Variants in DLG2 observed in about 807,000 individuals in gnomAD.
DLG2 encodes disks large homolog 2.
DLG2 carries 45 observed loss-of-function variants against 132.5 expected under a neutral mutation model. The ratio of observed to expected loss-of-function variants is 0.34; its 90% CI spans 0.27 to 0.44. The LOEUF is 0.44. Among genes scored for constraint, DLG2 ranks in the 20% least tolerant of loss-of-function variants. The pLI is 1.00. For missense variants in DLG2, 1,045 were observed against 1,196.9 expected, an observed-to-expected ratio of 0.87 and a Z score of 1.87; for synonymous variants, 424 against 419.6, an observed-to-expected ratio of 1.01 and a Z score of -0.13.
chr11:85,136,538 T>G (rs2076155520), intron 5 of DLG2, among the ~76,000 whole-genome samples: 1 of 152,190 alleles, frequency 6.6e-6, no homozygotes, highest in South Asian at 2.1e-4. Context: ...AAGAAGTCTT[T>G]GGCAAGATAA....
chr11:84,081,136 T>G (rs1594822672), intron 10 of DLG2, among the ~76,000 whole-genome samples: 1 of 152,122 alleles, frequency 6.6e-6, no homozygotes, highest in East Asian at 1.9e-4. Context: ...ACACTTTAAT[T>G]ATTAGCAGTA....
chr11:83,537,285 T>C lies in DLG2; in HGVS notation c.2117+4397A>G, dbSNP rs138923352. ...TTTTAGGTTCTGGCCAAACCCATAA[T>C]TGGGTCAGGCTTGGAGCATTGGACA... On this transcript the variant is annotated intron_variant, in intron 20 of 27. Transcript: ENST00000376104. Among the ~76,000 whole-genome samples the C allele has an allele frequency of 1.9e-3, 287 of 152,254 alleles. 6 individuals are homozygous for C. Among genetic ancestry groups the C allele is most frequent in the Admixed American group, 0.016 (251 of 15,282 alleles).
At chr11:84,563,873 C>T (rs1216568182) in intron 6 of DLG2, among the ~76,000 whole-genome samples, 2 of 151,960 alleles carry the variant, frequency 1.3e-5, no homozygotes, top group African/African-American at 4.8e-5. Context: ...GAGAACTAGG[C>T]TAGAAAAGTG....
chr11:84,382,480 G>A (rs2098752121), intron 7 of DLG2, among the ~76,000 whole-genome samples: 2 of 152,094 alleles, frequency 1.3e-5, no homozygotes, highest in South Asian at 2.1e-4. Flanking sequence ...ACAATCAAGA[G>A]GCTCCTGTCG....
rs2094842991 is a variant in DLG2 at position 84,141,453 on chromosome 11, G to T, written c.624+22008C>A. ...ATATTTGTATATCTGTTACATATATGCATAAACAAACACACACTCTCAGGA... is the reference window on the plus strand; with the variant it reads ...ATATTTGTATATCTGTTACATATATTCATAAACAAACACACACTCTCAGGA... On this transcript the variant is annotated intron_variant, in intron 9 of 27. Transcript: ENST00000376104. Among the ~76,000 whole-genome samples, 5 of 152,014 alleles carry T rather than the reference G, an allele frequency of 3.3e-5. No homozygotes were observed. The South Asian group carries it at 1.0e-3, about 32-fold the overall frequency.
At chr11:84,681,126 C>G (rs527820174) in intron 6 of DLG2, among the ~76,000 whole-genome samples, 45 of 152,302 alleles carry the variant, frequency 3.0e-4, no homozygotes, top group Admixed American at 2.9e-3. Context: ...TGCTAAACCT[C>G]TATTTTCTTT....
intron 10 of DLG2, among the ~76,000 whole-genome samples, chr11:84,067,877 G>A (rs1475050461): frequency 6.6e-6 from 1 of 152,170 alleles, no homozygotes; most frequent in Non-Finnish European, 1.5e-5. Flanking sequence ...GAATGTTTTA[G>A]AGGCATCTGA....
At chr11:84,577,169 A>G (rs1237831829) in intron 6 of DLG2, among the ~76,000 whole-genome samples, 1 of 152,206 alleles carries the variant, frequency 6.6e-6, no homozygotes, top group Non-Finnish European at 1.5e-5. Flanking sequence ...GCCATGTGGA[A>G]TGGTACGTCC....
At chr11:84,640,362 G>T in intron 6 of DLG2, 1 of 341,130 alleles carries the variant, frequency 2.9e-6, no homozygotes, top group Non-Finnish European at 5.5e-6. Flanking sequence ...AATCCTCAGG[G>T]TTTGGATAAG....
At chr11:85,458,896 G>T (rs1480305064) in intron 3 of DLG2, among the ~76,000 whole-genome samples, 1 of 152,198 alleles carries the variant, frequency 6.6e-6, no homozygotes, top group Non-Finnish European at 1.5e-5. Context: ...GGGCAGAAGG[G>T]GAAGGGATCT....
At chr11:84,990,888 T>C (rs533468981) in intron 6 of DLG2, among the ~76,000 whole-genome samples, 2 of 152,140 alleles carry the variant, frequency 1.3e-5, no homozygotes, top group South Asian at 4.2e-4. Flanking sequence ...CCCAGGTAAA[T>C]GAAAACCTAT....
At chr11:84,367,835 C>G (rs1269653871) in intron 7 of DLG2, among the ~76,000 whole-genome samples, 1 of 152,076 alleles carries the variant, frequency 6.6e-6, no homozygotes, top group Non-Finnish European at 1.5e-5. Flanking sequence ...TATCAATTAT[C>G]CAGTCTCAGA....
intron 18 of DLG2, among the ~76,000 whole-genome samples, chr11:83,768,628 G>A (rs2094246409): frequency 6.6e-6 from 1 of 152,218 alleles, no homozygotes; most frequent in East Asian, 1.9e-4. Context: ...TTTAAGAAAA[G>A]TGCTCTCTTA....
chr11:83,648,368 C>T (rs1409699663), intron 18 of DLG2, among the ~76,000 whole-genome samples: 1 of 152,028 alleles, frequency 6.6e-6, no homozygotes, highest in African/African-American at 2.4e-5. Flanking sequence ...GAAAAGGGAG[C>T]AGCTACATAG....
intron 21 of DLG2, among the ~76,000 whole-genome samples, chr11:83,501,285 T>C (rs1252786920): frequency 1.3e-5 from 2 of 151,830 alleles, no homozygotes; most frequent in Admixed American, 1.3e-4. Flanking sequence ...ACAATATGGC[T>C]GTCAGCCCAC....
intron 3 of DLG2, among the ~76,000 whole-genome samples, chr11:85,499,228 A>T (rs925297858): frequency 6.6e-6 from 1 of 152,162 alleles, no homozygotes; most frequent in African/African-American, 2.4e-5. Context: ...AAGAGAGAAG[A>T]ATCAAATAGA....
chr11:85,083,567 T>C (rs996356734), intron 6 of DLG2, among the ~76,000 whole-genome samples: 2 of 152,140 alleles, frequency 1.3e-5, no homozygotes, highest in South Asian at 4.1e-4. Flanking sequence ...CATTAATCAA[T>C]ACATGTAGGA....
intron 6 of DLG2, among the ~76,000 whole-genome samples, chr11:84,839,745 T>C (rs1006559922): frequency 6.6e-6 from 1 of 152,120 alleles, no homozygotes; most frequent in Non-Finnish European, 1.5e-5. Context: ...GGGGAAAGGA[T>C]TCCCTATTTA....
At chr11:84,801,705 G>GGT (rs2075400726) in intron 6 of DLG2, among the ~76,000 whole-genome samples, 1 of 152,266 alleles carries the variant, frequency 6.6e-6, no homozygotes, top group African/African-American at 2.4e-5. Context: ...AGTGAAAAGA[G>GGT]GTGTTGTGAT....
Sources: allele counts gnomAD v4.1 joint callset (sites outside exome capture counted in the v4.1 genomes callset), GRCh38; gene constraint gnomAD v4.1.1; transcripts MANE v1.5; gene names NCBI Gene and HGNC (gene_info 2026-07-23, HGNC 2026-07-21).